Variants in CFAP57 observed in about 807,000 individuals in gnomAD.
The protein encoded by CFAP57 is cilia and flagella associated protein 57.
Under a neutral mutation model 146.8 loss-of-function variants are expected in CFAP57, and 116 were observed. The ratio of observed to expected loss-of-function variants is 0.79; its 90% CI spans 0.68 to 0.92. CFAP57 has a LOEUF of 0.92. Among genes scored for constraint, CFAP57 ranks in the 40% least tolerant of loss-of-function variants. The pLI, the probability that CFAP57 is intolerant of heterozygous loss-of-function variation, is 0.00. For synonymous variants in CFAP57, 518 were observed against 552.8 expected (o/e 0.94, Z 0.88); for missense variants, 1,377 against 1,527.2 (o/e 0.90, Z 1.64).
rs1281280012 is a variant in CFAP57, at chr1:43,253,970, CT to C, written c.3539-5del. 1 of 1,550,382 alleles carries C rather than the reference CT, an allele frequency of 6.5e-7. No individual in the cohort carries two copies. Among genetic ancestry groups the C allele is most frequent in the Non-Finnish European group, 8.7e-7 (1 of 1,146,848 alleles). On this transcript the variant is annotated splice_polypyrimidine_tract_variant and splice_region_variant and intron_variant, in intron 22 of 22. Transcript: ENST00000372492. ...CAGGCCCACATGAGTCCTGTTGTCT[CT>C]TACAGAACCCAGCAGGGACATGCTC...
intron 6 of CFAP57, chr1:43,194,816 C>T (rs1643758569): frequency 6.6e-6 from 1 of 152,130 alleles, no homozygotes; most frequent in South Asian, 2.1e-4. Context: ...TTGATGGGAT[C>T]CTTTTATTCT....
At position 43,201,692 on chromosome 1, in the gene CFAP57, C is replaced by T. The variant is rs1173251333; in HGVS notation, c.1542+2189C>T. 3.3e-5 allele frequency among the ~76,000 whole-genome samples: 5 copies of T among 152,036 alleles called. No individual in the cohort carries two copies. Among genetic ancestry groups the T allele is most frequent in the African/African-American group, 7.2e-5 (3 of 41,392 alleles). On this transcript the variant is annotated intron_variant, in intron 9 of 22. Coordinates refer to ENST00000372492, the MANE Select transcript of CFAP57 (RefSeq NM_001378189.1). The surrounding 1 kb of genome is among the most constrained non-coding windows in gnomAD (Gnocchi z 4.4). ...GTGCAATGGCACAATCTCAGCTCAC[C>T]GCAACCTCCGCCTCCCAGGTTCAAG... is the stretch of plus-strand genomic sequence containing the variant.
chr1:43,253,573 G>T (rs548961037), intron 22 of CFAP57, among the ~76,000 whole-genome samples: 1 of 152,156 alleles, frequency 6.6e-6, no homozygotes, highest in African/African-American at 2.4e-5. Flanking sequence ...GCACGAAGGG[G>T]TCTGTCTCCA....
At chr1:43,206,500 A>G (rs967565384) in intron 9 of CFAP57, 4 of 577,396 alleles carry the variant, frequency 6.9e-6, no homozygotes, top group Non-Finnish European at 1.2e-5. Flanking sequence ...ATAAAGTGAA[A>G]AAGAAATGAG....
rs538407339 is a variant in CFAP57 at position 43,233,859 on chromosome 1, C to T, written c.3127-420C>T. Among the ~76,000 whole-genome samples, 6 of 152,264 alleles carry T rather than the reference C, an allele frequency of 3.9e-5. No individual in the cohort carries two copies. In the South Asian group the frequency reaches 8.3e-4, roughly 21 times the overall value. ...AGGGTAAGCACTGGATGAGCTAACA[C>T]GGGGGACGTGGAAGCCCTGGCCAGG... On this transcript the variant is annotated intron_variant, in intron 19 of 22. Transcript: ENST00000372492.
chr1:43,183,147 G>A (rs1252317629), intron 3 of CFAP57, among the ~76,000 whole-genome samples: 1 of 152,230 alleles, frequency 6.6e-6, no homozygotes, highest in Admixed American at 6.5e-5. Context: ...CCCATTGTAA[G>A]TAGAGGAGCA....
At chr1:43,206,637 C>A in intron 9 of CFAP57, 83 bp from the exon 10 acceptor site, 1 of 1,389,326 alleles carries the variant, frequency 7.2e-7, no homozygotes, top group Non-Finnish European at 1.0e-6. Flanking sequence ...TCTAGTGGAG[C>A]ACCTAAGGAG....
intron 21 of CFAP57, among the ~76,000 whole-genome samples, chr1:43,237,342 A>G (rs948548086): frequency 3.3e-5 from 5 of 152,218 alleles, no homozygotes; most frequent in East Asian, 3.8e-4. Flanking sequence ...ATGAGATACA[A>G]ACATCTAGGA....
chr1:43,231,741 G>A (rs1645479638), intron 18 of CFAP57, among the ~76,000 whole-genome samples: 1 of 150,634 alleles, frequency 6.6e-6, no homozygotes, highest in Non-Finnish European at 1.5e-5. Flanking sequence ...GGTGGCAATT[G>A]CCTGTAATCC....
At chr1:43,205,876 C>T (rs1008420960) in intron 9 of CFAP57, among the ~76,000 whole-genome samples, 7 of 152,120 alleles carry the variant, frequency 4.6e-5, no homozygotes, top group Non-Finnish European at 8.8e-5. Context: ...CGTAACAGAG[C>T]GAGTCATGGC....
chr1:43,219,367 G>A lies in CFAP57; in HGVS notation c.2092-15G>A. On this transcript the variant is annotated splice_polypyrimidine_tract_variant and intron_variant, in intron 12 of 22. Transcript: ENST00000372492. ...TACTGTCAGTGTTCTTGATCCTTCT[G>A]TCCTTCTCCCAAAGGCTCAGGTTAT... 2.6e-6 allele frequency: 4 copies of A among 1,546,908 alleles called. No individual in the cohort carries two copies. Among genetic ancestry groups the A allele is most frequent in the Non-Finnish European group, 3.5e-6 (4 of 1,144,684 alleles).
chr1:43,237,392 T>G (rs535046146), intron 21 of CFAP57, among the ~76,000 whole-genome samples: 3 of 152,332 alleles, frequency 2.0e-5, no homozygotes, highest in South Asian at 4.1e-4. Flanking sequence ...TTTGAGGGCT[T>G]CTTGTACAGC....
At chr1:43,187,906 C>G (rs866381150) in intron 6 of CFAP57, among the ~76,000 whole-genome samples, 1 of 152,150 alleles carries the variant, frequency 6.6e-6, no homozygotes. Context: ...TGGGCTCCAG[C>G]AATCTTCCCA....
At chr1:43,210,889 G>A (rs987712071) in intron 11 of CFAP57, 1 of 151,490 alleles carries the variant, frequency 6.6e-6, no homozygotes, top group Non-Finnish European at 1.5e-5. Context: ...ACGCGAAATG[G>A]TTGCCAAGAA....
At chr1:43,176,813 T>C (rs1645190345) in intron 2 of CFAP57, among the ~76,000 whole-genome samples, 1 of 152,036 alleles carries the variant, frequency 6.6e-6, no homozygotes, top group Non-Finnish European at 1.5e-5. Flanking sequence ...CACTGAGCAG[T>C]GATTTTTGAG....
At chr1:43,214,073 A>G (rs968672510) in intron 11 of CFAP57, among the ~76,000 whole-genome samples, 9 of 151,660 alleles carry the variant, frequency 5.9e-5, no homozygotes, top group African/African-American at 2.2e-4. Context: ...TTTAGTACGG[A>G]TGAGGTTTCA....
At chr1:43,221,507 A>C (rs1178219079) in intron 14 of CFAP57, 42 bp downstream of exon 14, 6 of 1,376,312 alleles carry the variant, frequency 4.4e-6, no homozygotes, top group Non-Finnish European at 5.8e-6. Context: ...GGGTTGGAAG[A>C]GCTAGGTTAT....
At chr1:43,246,730 G>A in intron 22 of CFAP57, among the ~76,000 whole-genome samples, 1 of 152,188 alleles carries the variant, frequency 6.6e-6, no homozygotes, top group East Asian at 1.9e-4. Flanking sequence ...TGTGAGATTT[G>A]GCTCCATACT....
At chr1:43,176,214 A>G (rs1252451714) in intron 2 of CFAP57, among the ~76,000 whole-genome samples, 3 of 152,156 alleles carry the variant, frequency 2.0e-5, no homozygotes, top group Non-Finnish European at 4.4e-5. Context: ...GCTCAAGACT[A>G]TCTGAGCAGG....
Sources: allele counts gnomAD v4.1 joint callset (sites outside exome capture counted in the v4.1 genomes callset), GRCh38; gene constraint gnomAD v4.1.1; non-coding constraint Gnocchi (gnomAD v3.1); transcripts MANE v1.5; gene names NCBI Gene and HGNC (gene_info 2026-07-23, HGNC 2026-07-21).